The following MEIKIN variants were observed in gnomAD, a reference collection of about 807,000 sequenced individuals.
MEIKIN encodes the protein meiosis-specific kinetochore protein.
At chr5:131,883,957 A>C (rs1163533659) in intron 8 of MEIKIN, among the ~76,000 whole-genome samples, 1 of 152,168 alleles carries the variant, frequency 6.6e-6, no homozygotes, top group Non-Finnish European at 1.5e-5. Context: ...CCACCCATGG[A>C]GGGAGTATTT....
chr5:131,914,571 AGAAGGGAAGG>A (rs1222503670), intron 7 of MEIKIN, among the ~76,000 whole-genome samples: 85 of 69,678 alleles, frequency 1.2e-3, no homozygotes, highest in Admixed American at 2.5e-3. Context: ...AAGGGGGAAG[AGAAGGGAAGG>A]GAAGGGAAGG....
At chr5:131,889,800 G>T (rs530692249) in intron 8 of MEIKIN, among the ~76,000 whole-genome samples, 1 of 152,340 alleles carries the variant, frequency 6.6e-6, no homozygotes, top group Admixed American at 6.5e-5. Context: ...AGTTTTCAAA[G>T]GGAATGCTTC....
At chr5:131,832,429 T>A (rs75382365) in intron 11 of MEIKIN, among the ~76,000 whole-genome samples, 1 of 152,122 alleles carries the variant, frequency 6.6e-6, no homozygotes, top group African/African-American at 2.4e-5. Flanking sequence ...ACCTCCCTCC[T>A]GGATGCTTTC....
chr5:131,895,008 C>G (rs989183710), intron 8 of MEIKIN, among the ~76,000 whole-genome samples: 1 of 152,160 alleles, frequency 6.6e-6, no homozygotes, highest in African/African-American at 2.4e-5. Flanking sequence ...CCAATTTTTG[C>G]CCATTCAGTA....
At chr5:131,931,235 G>A (rs1751684794) in intron 5 of MEIKIN, among the ~76,000 whole-genome samples, 1 of 152,194 alleles carries the variant, frequency 6.6e-6, no homozygotes, top group African/African-American at 2.4e-5. Context: ...TGTAAGACAG[G>A]TGTGACAGAA....
At chr5:131,830,178 G>A (rs1230819401) in intron 11 of MEIKIN, among the ~76,000 whole-genome samples, 1 of 152,000 alleles carries the variant, frequency 6.6e-6, no homozygotes, top group Non-Finnish European at 1.5e-5. Context: ...TCGCTTGATC[G>A]CAAGAGTTTG....
chr5:131,824,928 G>A (rs1053319019), intron 11 of MEIKIN, among the ~76,000 whole-genome samples: 4 of 152,120 alleles, frequency 2.6e-5, no homozygotes, highest in Non-Finnish European at 5.9e-5. Context: ...GCTTACACCT[G>A]TAAACCCAGT....
intron 11 of MEIKIN, among the ~76,000 whole-genome samples, chr5:131,836,573 T>C (rs1461264061): frequency 2.6e-5 from 4 of 152,200 alleles, no homozygotes; most frequent in Non-Finnish European, 4.4e-5. Flanking sequence ...TTTTTTTACT[T>C]TTTAATAATT....
intron 12 of MEIKIN, among the ~76,000 whole-genome samples, chr5:131,809,306 G>C (rs550789811): frequency 6.6e-6 from 1 of 152,018 alleles, no homozygotes; most frequent in Non-Finnish European, 1.5e-5. Context: ...GACTTAAAAG[G>C]CCTCCACGAT....
chr5:131,848,783 C>T (rs992496436), intron 11 of MEIKIN, among the ~76,000 whole-genome samples: 5 of 152,148 alleles, frequency 3.3e-5, no homozygotes, highest in African/African-American at 1.2e-4. Context: ...AAATTACTAG[C>T]AAACCAAATT....
At chr5:131,816,636 A>G (rs376675923) in intron 12 of MEIKIN, among the ~76,000 whole-genome samples, 21 of 152,302 alleles carry the variant, frequency 1.4e-4, no homozygotes, top group African/African-American at 4.8e-4. Flanking sequence ...TCTATCCTCT[A>G]TAACTTTCAA....
At chr5:131,907,619 A>G (rs1300077551) in intron 8 of MEIKIN, among the ~76,000 whole-genome samples, 1 of 151,432 alleles carries the variant, frequency 6.6e-6, no homozygotes, top group Non-Finnish European at 1.5e-5. Context: ...CACGCCTGTA[A>G]TCCCAGCACT....
At position 131,911,841 on chromosome 5, in the gene MEIKIN, G is replaced by T. The variant is rs866285198; in HGVS notation, c.677C>A (p.Ala226Glu). 98 of 397,484 alleles carry T rather than the reference G, an allele frequency of 2.5e-4. No homozygotes were observed. Among genetic ancestry groups the T allele is most frequent in the African/African-American group, 2.0e-3 (97 of 48,500 alleles). 24.6% of individuals were successfully genotyped at this position (397,484 alleles called of 1,614,324 possible). Residue 226 changes from alanine to glutamate, a missense_variant, in exon 8 of 13, where the codon GCA becomes GAA. Coordinates refer to ENST00000442687, the MANE Select transcript of MEIKIN (RefSeq NM_001303622.2). ...TVADQNVSPK[A>E]KCASNSESDN... is the part of the protein sequence containing the mutation. ...TGATTCTGAATTTGAAGCACACTTT[G>T]CTTTTGGAGAAACATTTTGATCTGC... is the stretch of plus-strand genomic sequence containing the variant.
chr5:131,823,131 G>C (rs560885221), intron 11 of MEIKIN, among the ~76,000 whole-genome samples: 5 of 151,678 alleles, frequency 3.3e-5, no homozygotes, highest in Non-Finnish European at 7.4e-5. Context: ...CTCTATCCTT[G>C]ACCTTTCAGA....
At chr5:131,827,315 G>C (rs1749632821) in intron 11 of MEIKIN, among the ~76,000 whole-genome samples, 1 of 152,006 alleles carries the variant, frequency 6.6e-6, no homozygotes, top group Non-Finnish European at 1.5e-5. Flanking sequence ...ATCAAAAATT[G>C]TTAAGAAGAA....
At chr5:131,932,150 T>G (rs1207437037) in intron 5 of MEIKIN, among the ~76,000 whole-genome samples, 1 of 152,054 alleles carries the variant, frequency 6.6e-6, no homozygotes, top group Admixed American at 6.6e-5. Context: ...TGGGGTGGGG[T>G]GGAAATAAGC....
At chr5:131,866,586 G>A (rs1194682451) in intron 9 of MEIKIN, among the ~76,000 whole-genome samples, 1 of 152,230 alleles carries the variant, frequency 6.6e-6, no homozygotes, top group Admixed American at 6.5e-5. Flanking sequence ...CCTTGGCCTA[G>A]AGCAGGCAGT....
At chr5:131,916,966 C>T (rs951578311) in intron 6 of MEIKIN, 41 bp from the exon 7 acceptor site, 23 of 395,200 alleles carry the variant, frequency 5.8e-5, no homozygotes, top group African/African-American at 2.7e-4. Flanking sequence ...AAATATAATT[C>T]GAAGGCAAAA....
intron 3 of MEIKIN, 149 bp from the exon 4 acceptor site, chr5:131,942,844 A>G (rs1167797952): frequency 2.7e-6 from 1 of 370,154 alleles, no homozygotes; most frequent in Non-Finnish European, 4.8e-6. Context: ...TTTATTGTTC[A>G]GATGTAATCT....
Sources: allele counts gnomAD v4.1 joint callset (sites outside exome capture counted in the v4.1 genomes callset), GRCh38; gene constraint gnomAD v4.1.1; transcripts MANE v1.5; gene names NCBI Gene and HGNC (gene_info 2026-07-23, HGNC 2026-07-21).